Variants in GALNT18 observed in about 807,000 individuals in gnomAD.
The protein encoded by GALNT18 is polypeptide N-acetylgalactosaminyltransferase 18, also known as GalNAc-transferase 18.
In GALNT18, 44 loss-of-function variants were observed where a neutral mutation model predicts 69.5. That is an observed-to-expected ratio of 0.63 (90% confidence interval 0.50 to 0.81). GALNT18 has a LOEUF of 0.81. GALNT18 is among the 40% of genes least tolerant of loss of function. GALNT18 has a pLI of 0.00. For missense variants in GALNT18, 715 were observed against 810.0 expected (o/e 0.88, Z 1.42); for synonymous variants, 364 against 318.2 (o/e 1.14, Z -1.53).
chr11:11,613,549 C>G lies in GALNT18; in HGVS notation c.235+7810G>C, dbSNP rs75918164. ...TCCTAGCCCTGCCCTAGGGCACATGCCTTGTATGTAGGCCTATGTGTGAGG... is the reference window on the plus strand; with the variant it reads ...TCCTAGCCCTGCCCTAGGGCACATGGCTTGTATGTAGGCCTATGTGTGAGG... On this transcript the variant is annotated intron_variant, in intron 1 of 10. Transcript: ENST00000227756. The surrounding 1 kb of genome is among the most constrained non-coding windows in gnomAD (Gnocchi z 4.2). Among the ~76,000 whole-genome samples the G allele has an allele frequency of 9.2e-3, 1,395 of 152,286 alleles. 71 individuals are homozygous for G. The East Asian group carries it at 0.15, about 17-fold the overall frequency.
chr11:11,323,484 C>G (rs150435700), intron 9 of GALNT18, among the ~76,000 whole-genome samples: 21 of 152,360 alleles, frequency 1.4e-4, no homozygotes, highest in Admixed American at 2.0e-4. Context: ...CTCTTTGGCT[C>G]AATGCTCTGC....
intron 1 of GALNT18, among the ~76,000 whole-genome samples, chr11:11,534,635 G>A (rs1462356787): frequency 6.6e-6 from 1 of 152,168 alleles, no homozygotes; most frequent in African/African-American, 2.4e-5. Context: ...CACCCCTCCT[G>A]CCATTCTATG....
chr11:11,548,335 G>C lies in GALNT18; in HGVS notation c.235+73024C>G, dbSNP rs879448432. Among the ~76,000 whole-genome samples, 8 of 152,062 alleles carry C rather than the reference G, an allele frequency of 5.3e-5. 1 individual carries two copies. The East Asian group carries it at 9.6e-4, about 18-fold the overall frequency. On this transcript the variant is annotated intron_variant, in intron 1 of 10. Transcript: ENST00000227756. ...GAACACCCTAGTGAGACTGCAGTAG[G>C]TAGAAAAAAGAGAGAGGCAGCCTCT...
chr11:11,594,888 C>CTATA (rs1237067147), intron 1 of GALNT18, among the ~76,000 whole-genome samples: 3,328 of 118,864 alleles, frequency 0.028, 141 homozygotes, highest in African/African-American at 0.095. Flanking sequence ...TATAAAAAAT[C>CTATA]TACATATACA....
intron 1 of GALNT18, among the ~76,000 whole-genome samples, chr11:11,547,430 C>A: frequency 6.6e-6 from 1 of 152,232 alleles, no homozygotes; most frequent in Non-Finnish European, 1.5e-5. Flanking sequence ...ACCAGGCACT[C>A]GGGGTGGCTT....
rs7102078 is a variant in GALNT18, at chr11:11,592,007, G to A, written c.235+29352C>T. Among the ~76,000 whole-genome samples, 25,736 of 152,132 alleles carry A rather than the reference G, an allele frequency of 0.17. 2,369 individuals carry two copies. The highest frequency in any genetic ancestry group is 0.26 in the Middle Eastern group (76 of 294). ...CCTCAATTTTATAATAGAAAAAGGG[G>A]ATAATAATAGCATATCTCAGTTTGT... On this transcript the variant is annotated intron_variant, in intron 1 of 10. Coordinates refer to ENST00000227756, the MANE Select transcript of GALNT18 (RefSeq NM_198516.3). This position sits in a 1 kb window ranked among gnomAD's most constrained non-coding sequence, Gnocchi z 5.9.
chr11:11,308,901 A>G (rs7942532), intron 9 of GALNT18, among the ~76,000 whole-genome samples: 52,166 of 151,880 alleles, frequency 0.34, 9,447 homozygotes, highest in East Asian at 0.55. Flanking sequence ...GCCCACCCAC[A>G]CCTAGACCCC....
chr11:11,572,733 A>G (rs980977193), intron 1 of GALNT18, among the ~76,000 whole-genome samples: 1 of 152,130 alleles, frequency 6.6e-6, no homozygotes, highest in Non-Finnish European at 1.5e-5. Context: ...GGCCCTCGCA[A>G]CCCTCGCCTT....
rs1447026146 is a variant in GALNT18, at chr11:11,591,486, C to T, written c.235+29873G>A. Among the ~76,000 whole-genome samples, 2 of 152,112 alleles carry T rather than the reference C, an allele frequency of 1.3e-5. No homozygotes were observed. The highest frequency in any genetic ancestry group is 4.8e-5 in the African/African-American group (2 of 41,388). On this transcript the variant is annotated intron_variant, in intron 1 of 10. Coordinates refer to ENST00000227756, the MANE Select transcript of GALNT18 (RefSeq NM_198516.3). The surrounding 1 kb of genome is among the most constrained non-coding windows in gnomAD (Gnocchi z 4.8). ...CCTCATTTGTAAATGCAAATTATTC[C>T]AATCACATCCTTCCAATTTTATAGG...
At chr11:11,441,519 C>T (rs560952897) in intron 2 of GALNT18, among the ~76,000 whole-genome samples, 3 of 152,256 alleles carry the variant, frequency 2.0e-5, no homozygotes, top group East Asian at 1.9e-4. Flanking sequence ...AATACCGGCT[C>T]GGCCACATAG....
rs867121351 is a variant in GALNT18, at chr11:11,564,961, C to A, written c.235+56398G>T. Among the ~76,000 whole-genome samples, 10 of 152,292 alleles carry A rather than the reference C, an allele frequency of 6.6e-5. No individual in the cohort carries two copies. The highest frequency in any genetic ancestry group is 2.4e-4 in the African/African-American group (10 of 41,554). On this transcript the variant is annotated intron_variant, in intron 1 of 10. Transcript: ENST00000227756. This position sits in a 1 kb window ranked among gnomAD's most constrained non-coding sequence, Gnocchi z 4.3. ...GGACAGCCCTGATCTAGACCCTAAC[C>A]CCAAACTCCAGCACTGCAGAAGATA...
At chr11:11,471,097 C>G (rs911648192) in intron 1 of GALNT18, among the ~76,000 whole-genome samples, 5 of 152,140 alleles carry the variant, frequency 3.3e-5, no homozygotes, top group African/African-American at 9.7e-5. Flanking sequence ...CTGGGTCACT[C>G]TCATCCTAGC....
At chr11:11,277,716 G>A (rs1269595252) in intron 10 of GALNT18, among the ~76,000 whole-genome samples, 4 of 152,108 alleles carry the variant, frequency 2.6e-5, no homozygotes, top group Non-Finnish European at 5.9e-5. Flanking sequence ...GTTCTCATTG[G>A]TTTCAAAGAA....
At chr11:11,346,657 A>T (rs1208804075) in intron 6 of GALNT18, among the ~76,000 whole-genome samples, 2 of 152,224 alleles carry the variant, frequency 1.3e-5, no homozygotes, top group African/African-American at 4.8e-5. Context: ...CAAAATGCTC[A>T]GATATGCCTA....
In GALNT18 at chr11:11,315,864, C is replaced by G. The variant is rs558542467; in HGVS notation, c.1512+11222G>C. 2.8e-4 allele frequency among the ~76,000 whole-genome samples: 43 copies of G among 152,182 alleles called. No individual in the cohort carries two copies. The highest frequency in any genetic ancestry group is 9.6e-4 in the African/African-American group (40 of 41,510). ...CACATCCACCACTACCCTGCACCCC[C>G]TCAAACAACCATCCTGCACCGAGAA... On this transcript the variant is annotated intron_variant, in intron 9 of 10. Coordinates refer to ENST00000227756, the MANE Select transcript of GALNT18 (RefSeq NM_198516.3). The surrounding 1 kb of genome is among the most constrained non-coding windows in gnomAD (Gnocchi z 5.6).
chr11:11,288,235 A>C (rs1264866792), intron 10 of GALNT18, among the ~76,000 whole-genome samples: 1 of 152,144 alleles, frequency 6.6e-6, no homozygotes, highest in African/African-American at 2.4e-5. Flanking sequence ...TCTAAGTCTT[A>C]TCTCCTACTT....
chr11:11,604,873 TGAAAAG>T lies in GALNT18; in HGVS notation c.235+16480_235+16485del, dbSNP rs759790881. Among the ~76,000 whole-genome samples the T allele has an allele frequency of 1.3e-5, 2 of 151,938 alleles. No homozygotes were observed. The highest frequency in any genetic ancestry group is 2.9e-5 in the Non-Finnish European group (2 of 67,982). On this transcript the variant is annotated intron_variant, in intron 1 of 10. Transcript: ENST00000227756. This position sits in a 1 kb window ranked among gnomAD's most constrained non-coding sequence, Gnocchi z 5.6. ...CAAAGGCTACACAATCTGTTTGAAA[TGAAAAG>T]GAAAATAAAATCACTGCTCTCCTCG...
Position 11,332,953 on chromosome 11 carries a change from T to C in GALNT18, c.1279-122A>G. 5 of 1,061,916 alleles carry C rather than the reference T, an allele frequency of 4.7e-6. No individual in the cohort carries two copies. Among genetic ancestry groups the C allele is most frequent in the Non-Finnish European group, 7.0e-6 (5 of 718,848 alleles). 65.8% of individuals were successfully genotyped at this position (1,061,916 alleles called of 1,614,324 possible). On this transcript the variant is annotated intron_variant, in intron 7 of 10. Transcript: ENST00000227756. This position sits in a 1 kb window ranked among gnomAD's most constrained non-coding sequence, Gnocchi z 4.3. Reference sequence around the variant, plus strand: ...CCTAGAGACTGGGGAAGGGACCATGTGGCACGTTAACTCTTGCATTTTCCC... The same window carrying C: ...CCTAGAGACTGGGGAAGGGACCATGCGGCACGTTAACTCTTGCATTTTCCC...
At chr11:11,419,596 C>G (rs1456646467) in intron 3 of GALNT18, among the ~76,000 whole-genome samples, 1 of 26,616 alleles carries the variant, frequency 3.8e-5, no homozygotes, top group African/African-American at 9.9e-5. Flanking sequence ...GATCCTGTCT[C>G]AAAAAAAAAA....
Sources: allele counts gnomAD v4.1 joint callset (sites outside exome capture counted in the v4.1 genomes callset), GRCh38; gene constraint gnomAD v4.1.1; non-coding constraint Gnocchi (gnomAD v3.1); transcripts MANE v1.5; gene names NCBI Gene and HGNC (gene_info 2026-07-23, HGNC 2026-07-21).